Variants in TICAM1 observed in about 807,000 individuals in gnomAD.
TICAM1 encodes TIR domain containing adaptor molecule 1.
For missense variants in TICAM1, 895 were observed against 938.2 expected (o/e 0.95, Z 0.60); for synonymous variants, 439 against 415.4 (o/e 1.06, Z -0.69).
rs776024318 is a variant in TICAM1, at chr19:4,817,805, C to T, written c.573G>A (p.Gly191=). The T allele has an allele frequency of 1.9e-6, 3 of 1,599,486 alleles. No individual in the cohort carries two copies. In the Admixed American group the frequency reaches 5.1e-5, roughly 27 times the overall value. ...PIDGVSDWSQ[G]CSLRSTGSPA... ...GGCTGCCAGTGGATCGCAGGGAGCA[C>T]CCTTGGCTCCAGTCCGAAACACCGT... Residue 191 remains glycine, a synonymous_variant, in exon 2 of 2, where the codon GGG becomes GGA. Coordinates refer to ENST00000248244, the MANE Select transcript of TICAM1 (RefSeq NM_182919.4). The surrounding 1 kb of genome is among the most constrained non-coding windows in gnomAD (Gnocchi z 4.7).
chr19:4,826,565 T>TC (rs2093605744), intron 1 of TICAM1, among the ~76,000 whole-genome samples: 1 of 152,174 alleles, frequency 6.6e-6, no homozygotes, highest in Admixed American at 6.6e-5. Context: ...CCTCAAGTGA[T>TC]CTGCCAGCCT....
At chr19:4,829,352 C>T (rs113071958) in intron 1 of TICAM1, among the ~76,000 whole-genome samples, 8 of 142,460 alleles carry the variant, frequency 5.6e-5, no homozygotes, top group East Asian at 2.0e-4. Context: ...TCTGCCCCCC[C>T]GGGCCTGAAC....
At chr19:4,828,596 C>G (rs767214299) in intron 1 of TICAM1, among the ~76,000 whole-genome samples, 1 of 151,700 alleles carries the variant, frequency 6.6e-6, no homozygotes, top group Admixed American at 6.6e-5. Flanking sequence ...TGCAGTGGTG[C>G]GATCTAGGCT....
intron 1 of TICAM1, among the ~76,000 whole-genome samples, chr19:4,819,240 C>T (rs1337160232): frequency 6.7e-6 from 1 of 149,690 alleles, no homozygotes; most frequent in Non-Finnish European, 1.5e-5. Context: ...TACCACTGCA[C>T]TCCAGCCTGG....
chr19:4,816,709 C>T lies in TICAM1; in HGVS notation c.1669G>A (p.Asp557Asn), dbSNP rs143066432. 160 of 1,614,102 alleles carry T rather than the reference C, an allele frequency of 9.9e-5. No homozygotes were observed. The African/African-American group carries it at 1.9e-3, about 20-fold the overall frequency. Residue 557 changes from aspartate (D) to asparagine (N), a missense_variant, in exon 2 of 2, where the codon GAC becomes AAC. Physicochemically the swap from Asp to Asn is conservative, Grantham distance 23 (BLOSUM62 1). Transcript: ENST00000248244. The surrounding 1 kb of genome is among the most constrained non-coding windows in gnomAD (Gnocchi z 4.3). The part of the protein sequence containing the change: ...RALREQSQHL[D>N]GERMQAAALN... ...GCCGCCGCCTGCATCCGCTCACCGT[C>T]CAGGTGTTGGCTCTGTTCCCGCAGG...
At chr19:4,823,522 C>T (rs1199516917) in intron 1 of TICAM1, among the ~76,000 whole-genome samples, 1 of 149,760 alleles carries the variant, frequency 6.7e-6, no homozygotes, top group African/African-American at 2.5e-5. Context: ...GAAATCCCAG[C>T]TACTCAGGAG....
chr19:4,830,086 G>GC (rs11434358), intron 1 of TICAM1, among the ~76,000 whole-genome samples: 99,134 of 150,936 alleles, frequency 0.66, 32,981 homozygotes, highest in African/African-American at 0.76. Flanking sequence ...CACCTGCCCA[G>GC]CCCCATTTCA....
Position 4,816,368 on chromosome 19 carries a change from G to C in TICAM1, c.2010C>G (p.Pro670=), listed in dbSNP as rs749665614. The C allele has an allele frequency of 5.0e-6, 8 of 1,588,790 alleles. No individual in the cohort carries two copies. Among genetic ancestry groups the C allele is most frequent in the Non-Finnish European group, 8.6e-7 (1 of 1,168,424 alleles). Residue 670 remains proline, a synonymous_variant, in exon 2 of 2, where the codon CCC becomes CCG. Transcript: ENST00000248244. The surrounding 1 kb of genome is among the most constrained non-coding windows in gnomAD (Gnocchi z 4.3). ...GGGGTTGCAGCCCTGGGCTCTGAGG[G>C]GGTGCGGGTGAGGCCGTAGGGAAGG... The part of the protein sequence containing the change: ...SPAFPTASPA[P]PQSPGLQPLI...
At chr19:4,829,098 G>A (rs958313304) in intron 1 of TICAM1, among the ~76,000 whole-genome samples, 2 of 152,188 alleles carry the variant, frequency 1.3e-5, no homozygotes, top group African/African-American at 2.4e-5. Flanking sequence ...GCCTCCCAGA[G>A]TGCTGGGATT....
intron 1 of TICAM1, among the ~76,000 whole-genome samples, chr19:4,819,273 C>CAAA (rs35532977): frequency 7.4e-6 from 1 of 134,974 alleles, no homozygotes. Context: ...GACCCAGTCT[C>CAAA]AAAAAAAAAA....
At position 4,817,415 on chromosome 19, in the gene TICAM1, C is replaced by T. The variant is rs748972207; in HGVS notation, c.963G>A (p.Pro321=). ...PQSLPLPILE[P]VKNPCSVKDQ... ...CTTTGACAGAGCAGGGGTTTTTGAC[C>T]GGCTCCAGAATAGGCAAGGGGAGAG... The change falls in exon 2 of 2, where the codon CCG becomes CCA. Residue 321 remains proline, a synonymous_variant. Coordinates refer to ENST00000248244, the MANE Select transcript of TICAM1 (RefSeq NM_182919.4). The surrounding 1 kb of genome is among the most constrained non-coding windows in gnomAD (Gnocchi z 4.7). 48 of 1,613,880 alleles carry T rather than the reference C, an allele frequency of 3.0e-5. No individual in the cohort carries two copies. Among genetic ancestry groups the T allele is most frequent in the Non-Finnish European group, 3.6e-5 (43 of 1,180,022 alleles).
At position 4,816,632 on chromosome 19, in the gene TICAM1, T is replaced by C. The variant is rs1276263430; in HGVS notation, c.1746A>G (p.Ala582=). 1.2e-6 allele frequency: 2 copies of C among 1,614,132 alleles called. No homozygotes were observed. The highest frequency in any genetic ancestry group is 1.7e-6 in the Non-Finnish European group (2 of 1,180,026). The change falls in exon 2 of 2, where the codon GCA becomes GCG. Residue 582 remains alanine (A), a synonymous_variant. Transcript: ENST00000248244. This position sits in a 1 kb window ranked among gnomAD's most constrained non-coding sequence, Gnocchi z 4.3. ...AAGCCACCTGGAGCTGCTCCATCTG[T>C]GCCTGGTAGGACAAGTAGCTCTGGA... ...AYLQSYLSYQ[A]QMEQLQVAFG... is the part of the protein sequence containing the mutation.
rs1407583940 is a variant in TICAM1, at chr19:4,817,977, C to T, written c.401G>A (p.Gly134Glu). 4.3e-6 allele frequency: 7 copies of T among 1,613,288 alleles called. No homozygotes were observed. The highest frequency in any genetic ancestry group is 5.9e-6 in the Non-Finnish European group (7 of 1,179,876). ...TLSSRDDHRLGELQDEARNRC... is the reference protein window; with the variant it reads ...TLSSRDDHRLEELQDEARNRC... ...GTTTCGGGCCTCATCCTGAAGTTCC[C>T]CCAGCCGGTGGTCGTCCCTGGAGCT... Residue 134 changes from glycine to glutamate, a missense_variant, in exon 2 of 2, where the codon GGG becomes GAG. Transcript: ENST00000248244. The surrounding 1 kb of genome is among the most constrained non-coding windows in gnomAD (Gnocchi z 4.7).
intron 1 of TICAM1, among the ~76,000 whole-genome samples, chr19:4,829,119 GC>G (rs1445023223): frequency 6.6e-6 from 1 of 152,184 alleles, no homozygotes; most frequent in African/African-American, 2.4e-5. Context: ...ACAGGCATGA[GC>G]CACTGCGCCC....
chr19:4,831,335 G>A (rs1223580427), intron 1 of TICAM1, among the ~76,000 whole-genome samples: 1 of 151,760 alleles, frequency 6.6e-6, no homozygotes. Flanking sequence ...GGAGGAATCT[G>A]GGGTTTGGGG....
At chr19:4,824,367 C>T (rs1477684810) in intron 1 of TICAM1, among the ~76,000 whole-genome samples, 1 of 142,302 alleles carries the variant, frequency 7.0e-6, no homozygotes, top group Non-Finnish European at 1.5e-5. Context: ...CAGAGTCTCG[C>T]TCTGTCATCC....
At chr19:4,824,250 C>T (rs1186706107) in intron 1 of TICAM1, among the ~76,000 whole-genome samples, 1 of 151,882 alleles carries the variant, frequency 6.6e-6, no homozygotes, top group African/African-American at 2.4e-5. Context: ...CTCAAGCTAT[C>T]TGCCTGCCTC....
Position 4,816,361 on chromosome 19 carries a change from T to G in TICAM1, c.2017A>C (p.Ser673Arg), listed in dbSNP as rs1232325668. ...FPTASPAPPQ[S>R]PGLQPLIIHH... Reference sequence around the variant, plus strand: ...ATAATGAGGGGTTGCAGCCCTGGGCTCTGAGGGGGTGCGGGTGAGGCCGTA... The same window carrying G: ...ATAATGAGGGGTTGCAGCCCTGGGCGCTGAGGGGGTGCGGGTGAGGCCGTA... Residue 673 changes from serine (S) to arginine (R), a missense_variant, in exon 2 of 2, where the codon AGC becomes CGC. Transcript: ENST00000248244. This position sits in a 1 kb window ranked among gnomAD's most constrained non-coding sequence, Gnocchi z 4.3. 6.3e-7 allele frequency: 1 copy of G among 1,588,234 alleles called. No individual in the cohort carries two copies. Among genetic ancestry groups the G allele is most frequent in the Admixed American group, 1.8e-5 (1 of 55,390 alleles).
At chr19:4,829,687 T>G (rs1192080286) in intron 1 of TICAM1, among the ~76,000 whole-genome samples, 1 of 151,968 alleles carries the variant, frequency 6.6e-6, no homozygotes. Context: ...AAAGTTTAGA[T>G]CAGTGCCCAG....
Sources: gnomAD v4.1 joint callset for allele counts (sites outside exome capture counted in the v4.1 genomes callset) on GRCh38, gnomAD v4.1.1 for gene constraint, Gnocchi (gnomAD v3.1) non-coding constraint, MANE v1.5 for transcripts, NCBI Gene and HGNC (gene_info 2026-07-23, HGNC 2026-07-21) for gene names.